RPL14: variants seen among roughly 807,000 people sequenced by gnomAD.
RPL14 encodes ribosomal protein L14.
Under a neutral mutation model 25.3 loss-of-function variants are expected in RPL14, and 4 were observed. That is an observed-to-expected ratio of 0.16 (90% CI 0.08 to 0.36). The LOEUF is 0.36. Among genes scored for constraint, RPL14 ranks in the 10% least tolerant of loss-of-function variants. The pLI is 1.00. For synonymous variants in RPL14, 75 were observed against 89.8 expected, an observed-to-expected ratio of 0.84 and a Z score of 0.93; for missense variants, 212 against 261.9, an observed-to-expected ratio of 0.81 and a Z score of 1.31.
intron 3 of RPL14, among the ~76,000 whole-genome samples, chr3:40,459,456 A>G (rs1696897961): frequency 6.6e-6 from 1 of 152,232 alleles, no homozygotes; most frequent in African/African-American, 2.4e-5. Context: ...CTTTTTTGAC[A>G]TGAAAATTAA....
intron 2 of RPL14, 172 bp downstream of exon 2, chr3:40,458,163 A>G (rs1238354899): frequency 1.6e-6 from 1 of 621,102 alleles, no homozygotes; most frequent in Non-Finnish European, 2.8e-6. Flanking sequence ...GAAGTTAGCT[A>G]TTAGTATTGA....
At chr3:40,457,706 G>C (rs896500627) in intron 1 of RPL14, 184 bp from the exon 2 acceptor site, 3 of 668,504 alleles carry the variant, frequency 4.5e-6, no homozygotes, top group Non-Finnish European at 5.1e-6. Context: ...GTTGGGAACC[G>C]GGCTTAAGCT....
chr3:40,465,341 G>A lies in RPL14; in HGVS notation c.*3109G>A, dbSNP rs570998275. ...TTTGTGTTTGTAAATCTGGAGTGATGGGCATGTTCAAATGCTTCTGGGAAA... is the reference window on the plus strand; with the variant it reads ...TTTGTGTTTGTAAATCTGGAGTGATAGGCATGTTCAAATGCTTCTGGGAAA... On this transcript the variant is annotated 3_prime_UTR_variant, in exon 6 of 6. Coordinates refer to ENST00000396203, the MANE Select transcript of RPL14 (RefSeq NM_001034996.3). 6.6e-6 allele frequency: 1 copy of A among 152,246 alleles called. No individual in the cohort carries two copies. Among genetic ancestry groups the A allele is most frequent in the South Asian group, 2.1e-4 (1 of 4,816 alleles). The allele number at this position is 152,246 out of a possible 1,614,324, so 9.4% of individuals were successfully genotyped here. A position where few individuals can be genotyped will look rare whatever the true frequency, so the allele number is the denominator to read the frequency against.
Position 40,460,604 on chromosome 3 carries a change from T to G in RPL14, c.201-803T>G, listed in dbSNP as rs550881104. Among the ~76,000 whole-genome samples the G allele has an allele frequency of 5.2e-3, 590 of 114,090 alleles. 4 individuals are homozygous for G. Among genetic ancestry groups the G allele is most frequent in the Admixed American group, 8.2e-3 (86 of 10,488 alleles). The allele number at this position is 114,090 out of a possible 152,430, so 74.8% of individuals were successfully genotyped here. ...TATAGTCAGAGGTGGGTTTTTTGTG[T>G]TTTTTTTGAGGGTTTTTTTTTTCTT... On this transcript the variant is annotated intron_variant, in intron 3 of 5. Coordinates refer to ENST00000396203, the MANE Select transcript of RPL14 (RefSeq NM_001034996.3).
chr3:40,460,685 C>A (rs548172084), intron 3 of RPL14, among the ~76,000 whole-genome samples: 2 of 151,414 alleles, frequency 1.3e-5, no homozygotes, highest in Non-Finnish European at 2.9e-5. Context: ...GCAATCTTGA[C>A]TCACTGCAAC....
intron 5 of RPL14, 139 bp downstream of exon 5, chr3:40,461,800 T>C: frequency 7.9e-7 from 1 of 1,262,798 alleles, no homozygotes; most frequent in Non-Finnish European, 1.1e-6. Flanking sequence ...TATTTCATGA[T>C]GTCCCTATGG....
In RPL14 at chr3:40,465,317, TTG is replaced by T. The variant is rs1197889640; in HGVS notation, c.*3089_*3090del. ...AAATGTTATATGGGGTTCGGAGGTT[TTG>T]TGTTTGTAAATCTGGAGTGATGGGC... On this transcript the variant is annotated 3_prime_UTR_variant, in exon 6 of 6. Coordinates refer to ENST00000396203, the MANE Select transcript of RPL14 (RefSeq NM_001034996.3). 1 of 152,048 alleles carries T rather than the reference TTG, an allele frequency of 6.6e-6. No homozygotes were observed. Among genetic ancestry groups the T allele is most frequent in the Admixed American group, 6.6e-5 (1 of 15,252 alleles). The allele number at this position is 152,048 out of a possible 1,614,324, so 9.4% of individuals were successfully genotyped here. A position where few individuals can be genotyped will look rare whatever the true frequency, so the allele number is the denominator to read the frequency against.
Position 40,459,774 on chromosome 3 carries a change from G to A in RPL14, c.200+1038G>A, listed in dbSNP as rs1054365318. On this transcript the variant is annotated intron_variant, in intron 3 of 5. Transcript: ENST00000396203. ...CTTCAGAGGCTGAGGCAGGAGAATG[G>A]CGTGAGCCCGGGAGGCGGAGCTTGC... is the stretch of plus-strand genomic sequence containing the variant. Among the ~76,000 whole-genome samples the A allele has an allele frequency of 5.3e-5, 8 of 150,892 alleles. No individual in the cohort carries two copies. In the South Asian group the frequency reaches 1.7e-3, roughly 32 times the overall value.
rs1696995979 is a variant in RPL14 at position 40,464,292 on chromosome 3, C to T, written c.*2060C>T. ...CATTTTAAATAAATTTGTTTCCTAA[C>T]CAAAAGCTAGCTTCAGGCGTCACTG... On this transcript the variant is annotated 3_prime_UTR_variant, in exon 6 of 6. Coordinates refer to ENST00000396203, the MANE Select transcript of RPL14 (RefSeq NM_001034996.3). The T allele has an allele frequency of 8.5e-6, 3 of 352,690 alleles. No individual in the cohort carries two copies. The highest frequency in any genetic ancestry group is 4.3e-5 in the South Asian group (2 of 46,118). 21.8% of individuals were successfully genotyped at this position (352,690 alleles called of 1,614,324 possible).
chr3:40,461,768 A>G, intron 5 of RPL14, 107 bp downstream of exon 5: 2 of 1,332,388 alleles, frequency 1.5e-6, no homozygotes, highest in Non-Finnish European at 2.1e-6. Flanking sequence ...TTCTGTAAAA[A>G]AGGAGAATTT....
In RPL14 at chr3:40,461,849, G is replaced by T. The variant is rs185909308; in HGVS notation, c.355-90G>T. 1.1e-4 allele frequency: 157 copies of T among 1,408,426 alleles called. 1 individual carries two copies. In the African/African-American group the frequency reaches 1.9e-3, roughly 17 times the overall value. 87.2% of individuals were successfully genotyped at this position (1,408,426 alleles called of 1,614,324 possible). A position where few individuals can be genotyped will look rare whatever the true frequency, so the allele number is the denominator to read the frequency against. On this transcript the variant is annotated intron_variant, in intron 5 of 5. Coordinates refer to ENST00000396203, the MANE Select transcript of RPL14 (RefSeq NM_001034996.3). The stretch of plus-strand genomic sequence containing the variant: ...CTTCAGATGTAGTTGTAGGGAAACA[G>T]ACTACTTAATGCCCTTTCTAAAACC...
intron 3 of RPL14, 22 bp from the exon 4 acceptor site, chr3:40,461,385 C>T: frequency 6.2e-7 from 1 of 1,603,460 alleles, no homozygotes; most frequent in Non-Finnish European, 8.5e-7. Flanking sequence ...ATTTCTTAAT[C>T]TGTGGTCTTG....
rs894694671 is a variant in RPL14, at chr3:40,465,029, A to G, written c.*2797A>G. 6.4e-5 allele frequency: 10 copies of G among 155,074 alleles called. No individual in the cohort carries two copies. Among genetic ancestry groups the G allele is most frequent in the Admixed American group, 3.8e-4 (6 of 15,866 alleles). 9.6% of individuals were successfully genotyped at this position (155,074 alleles called of 1,614,324 possible). A position where few individuals can be genotyped will look rare whatever the true frequency, so the allele number is the denominator to read the frequency against. On this transcript the variant is annotated 3_prime_UTR_variant, in exon 6 of 6. Coordinates refer to ENST00000396203, the MANE Select transcript of RPL14 (RefSeq NM_001034996.3). The stretch of plus-strand genomic sequence containing the variant: ...GTGGTACGCTTCAGAGTAGTTAATC[A>G]TGATATGTAGTCCAGTGACTGGTTC...
At chr3:40,459,586 T>G (rs935058052) in intron 3 of RPL14, among the ~76,000 whole-genome samples, 1 of 152,130 alleles carries the variant, frequency 6.6e-6, no homozygotes, top group African/African-American at 2.4e-5. Context: ...CCGGGCGCGG[T>G]GGCTCACGCC....
Position 40,464,628 on chromosome 3 carries a change from A to C in RPL14, c.*2396A>C. On this transcript the variant is annotated 3_prime_UTR_variant, in exon 6 of 6. Transcript: ENST00000396203. ...TTTTTAAAATGGCGTGATATCTCAG[A>C]TTTAGATCATTGAACTGTTAAGACT... The C allele has an allele frequency of 2.3e-6, 1 of 427,796 alleles. No individual in the cohort carries two copies. Among genetic ancestry groups the C allele is most frequent in the Admixed American group, 2.5e-5 (1 of 39,670 alleles). The allele number at this position is 427,796 out of a possible 1,614,324, so 26.5% of individuals were successfully genotyped here. A position where few individuals can be genotyped will look rare whatever the true frequency, so the allele number is the denominator to read the frequency against.
chr3:40,458,501 A>G (rs1696879308), intron 2 of RPL14, 141 bp from the exon 3 acceptor site: 2 of 651,648 alleles, frequency 3.1e-6, no homozygotes, highest in Non-Finnish European at 5.5e-6. Context: ...AGATAGGACA[A>G]TCCTTGTCTT....
chr3:40,457,615 G>A lies in RPL14; in HGVS notation c.3+141G>A, dbSNP rs1437002188. ...GCCACGCGTGCGCGCCTCCGCCGCT[G>A]GAGCTGGATGGCTGATGCGGCTCGT... On this transcript the variant is annotated intron_variant, in intron 1 of 5. Transcript: ENST00000396203. 7.0e-6 allele frequency: 5 copies of A among 712,134 alleles called. No homozygotes were observed. The Admixed American group carries it at 1.4e-4, about 20-fold the overall frequency. 44.1% of individuals were successfully genotyped at this position (712,134 alleles called of 1,614,324 possible).
Position 40,466,365 on chromosome 3 carries a change from CGG to C in RPL14, c.*4137_*4138del, listed in dbSNP as rs1342377877. 2.6e-5 allele frequency: 4 copies of C among 151,174 alleles called. No individual in the cohort carries two copies. Among genetic ancestry groups the C allele is most frequent in the Non-Finnish European group, 4.4e-5 (3 of 67,842 alleles). 9.4% of individuals were successfully genotyped at this position (151,174 alleles called of 1,614,324 possible). On this transcript the variant is annotated 3_prime_UTR_variant, in exon 6 of 6. Coordinates refer to ENST00000396203, the MANE Select transcript of RPL14 (RefSeq NM_001034996.3). ...CTTGTTCAGTCACCCTCATTGGAGA[CGG>C]GGGATGGCATACGAAAAGAATGCTG...
chr3:40,464,729 T>G lies in RPL14; in HGVS notation c.*2497T>G. ...TGGCAGTAATCCAAGGAAGTGACAG[T>G]GGTAATGCCATTTAGGTGGTCTTGA... On this transcript the variant is annotated 3_prime_UTR_variant, in exon 6 of 6. Coordinates refer to ENST00000396203, the MANE Select transcript of RPL14 (RefSeq NM_001034996.3). 3.2e-6 allele frequency: 1 copy of G among 316,660 alleles called. No individual in the cohort carries two copies. The highest frequency in any genetic ancestry group is 2.6e-5 in the South Asian group (1 of 38,058). 19.6% of individuals were successfully genotyped at this position (316,660 alleles called of 1,614,324 possible).
Sources: allele counts gnomAD v4.1 joint callset (sites outside exome capture counted in the v4.1 genomes callset), GRCh38; gene constraint gnomAD v4.1.1; transcripts MANE v1.5; gene names NCBI Gene and HGNC (gene_info 2026-07-23, HGNC 2026-07-21).